Variants in PRKCB observed in about 807,000 individuals in gnomAD.
PRKCB encodes the protein protein kinase C beta type.
Under a neutral mutation model 81.5 loss-of-function variants are expected in PRKCB, and 13 were observed. The observed-to-expected ratio is 0.16, with a 90% CI of 0.10 to 0.25. The LOEUF (loss-of-function observed/expected upper bound fraction) is 0.25. Ranked by LOEUF, PRKCB falls within the 10% of genes least tolerant of loss-of-function variation. The pLI is 1.00. For synonymous variants in PRKCB, 335 were observed against 321.4 expected, an observed-to-expected ratio of 1.04 and a Z score of -0.45; for missense variants, 509 against 875.7, an observed-to-expected ratio of 0.58 and a Z score of 5.29.
At chr16:24,174,807 G>A in intron 12 of PRKCB, 1 of 461,656 alleles carries the variant, frequency 2.2e-6, no homozygotes, top group Non-Finnish European at 3.9e-6. Flanking sequence ...ACCAATGATG[G>A]TTCAGAGCCT....
chr16:24,071,436 T>TAAAAA lies in PRKCB; in HGVS notation c.530-21333_530-21329dup, dbSNP rs398042091. Among the ~76,000 whole-genome samples, 40 of 57,296 alleles carry TAAAAA rather than the reference T, an allele frequency of 7.0e-4. 1 individual carries two copies. The highest frequency in any genetic ancestry group is 1.8e-3 in the African/African-American group (32 of 17,410). 37.6% of individuals were successfully genotyped at this position (57,296 alleles called of 152,430 possible). ...CTGGGTAACATGGTGAGACCCTGTC[T>TAAAAA]AAAAAAAAAAAAAAAAAAAAAAAAA... On this transcript the variant is annotated intron_variant, in intron 5 of 16. Coordinates refer to ENST00000643927, the MANE Select transcript of PRKCB (RefSeq NM_002738.7).
chr16:23,880,792 A>C (rs1169761275), intron 2 of PRKCB, among the ~76,000 whole-genome samples: 1 of 152,142 alleles, frequency 6.6e-6, no homozygotes, highest in African/African-American at 2.4e-5. Context: ...TAATCTTATC[A>C]AGCAGAAATG....
chr16:23,870,481 A>G (rs1962885372), intron 2 of PRKCB, among the ~76,000 whole-genome samples: 1 of 152,248 alleles, frequency 6.6e-6, no homozygotes. Flanking sequence ...TCCTAGCTAG[A>G]AAGAGGCAGA....
chr16:24,041,184 C>T (rs564073324), intron 5 of PRKCB, among the ~76,000 whole-genome samples: 2 of 151,662 alleles, frequency 1.3e-5, no homozygotes, highest in Non-Finnish European at 2.9e-5. Flanking sequence ...CGAGTAGCTG[C>T]GACTACAGGC....
intron 2 of PRKCB, among the ~76,000 whole-genome samples, chr16:23,860,653 A>G (rs1268602232): frequency 2.0e-5 from 3 of 152,160 alleles, no homozygotes; most frequent in Non-Finnish European, 2.9e-5. Context: ...TGAGAGGCCA[A>G]GGTGGGTGGA....
At position 24,215,639 on chromosome 16, in the gene PRKCB, C is replaced by CA. The variant is rs1360063482; in HGVS notation, c.*831dup. On this transcript the variant is annotated 3_prime_UTR_variant, in exon 17 of 17. Coordinates refer to ENST00000643927, the MANE Select transcript of PRKCB (RefSeq NM_002738.7). The stretch of plus-strand genomic sequence containing the variant: ...TTTTGTTTCTGTTGTTGTTCAAATG[C>CA]AAAAAAAAGAAAAAAAAAGAAAAAA... The CA allele has an allele frequency of 2.5e-3, 2,450 of 964,432 alleles. 8 individuals carry two copies. Among genetic ancestry groups the CA allele is most frequent in the Non-Finnish European group, 2.8e-3 (2,263 of 821,906 alleles). 59.7% of individuals were successfully genotyped at this position (964,432 alleles called of 1,614,324 possible).
intron 2 of PRKCB, among the ~76,000 whole-genome samples, chr16:23,865,521 G>A (rs372400970): frequency 0.14 from 514 of 3,598 alleles, 1 homozygote; most frequent in South Asian, 0.23. Flanking sequence ...ATATATATGT[G>A]TGTGTGTGTG....
chr16:24,119,450 G>A (rs1287056734), intron 8 of PRKCB, among the ~76,000 whole-genome samples: 1 of 152,134 alleles, frequency 6.6e-6, no homozygotes, highest in Non-Finnish European at 1.5e-5. Context: ...GCTGGGACCC[G>A]CAGGTGGATG....
At chr16:24,084,579 A>G (rs1334813830) in intron 5 of PRKCB, among the ~76,000 whole-genome samples, 1 of 152,198 alleles carries the variant, frequency 6.6e-6, no homozygotes, top group Non-Finnish European at 1.5e-5. Context: ...TAAAAGAATT[A>G]CATTTTTTCC....
At chr16:24,105,276 C>T (rs941033901) in intron 7 of PRKCB, among the ~76,000 whole-genome samples, 1 of 152,080 alleles carries the variant, frequency 6.6e-6, no homozygotes, top group African/African-American at 2.4e-5. Flanking sequence ...AGGCTGGTCT[C>T]GAACTCCTGA....
chr16:24,043,600 C>G (rs900088339), intron 5 of PRKCB, among the ~76,000 whole-genome samples: 1 of 152,140 alleles, frequency 6.6e-6, no homozygotes, highest in East Asian at 1.9e-4. Flanking sequence ...GTGAGTGTCT[C>G]AGGCACTGAA....
At position 23,908,239 on chromosome 16, in the gene PRKCB, A is replaced by G. The variant is rs138153721; in HGVS notation, c.205+70833A>G. ...TCTTTATGACAGTGCTGCAGAGGGA[A>G]AAAGGATTGTTGCTGAGTTGGGTGG... On this transcript the variant is annotated intron_variant, in intron 2 of 16. Transcript: ENST00000643927. Among the ~76,000 whole-genome samples the G allele has an allele frequency of 2.1e-3, 323 of 152,182 alleles. 2 individuals are homozygous for G. Among genetic ancestry groups the G allele is most frequent in the African/African-American group, 7.4e-3 (306 of 41,498 alleles).
At chr16:24,088,126 T>C (rs34031636) in intron 5 of PRKCB, among the ~76,000 whole-genome samples, 8,405 of 152,248 alleles carry the variant, frequency 0.055, 679 homozygotes, top group African/African-American at 0.18. Flanking sequence ...CATATGCGGC[T>C]CTCTTGCTGC....
At chr16:23,958,863 G>C (rs1350221709) in intron 2 of PRKCB, among the ~76,000 whole-genome samples, 1 of 151,882 alleles carries the variant, frequency 6.6e-6, no homozygotes, top group Admixed American at 6.6e-5. Context: ...GTTCAATCAA[G>C]TTCGTCTGTT....
intron 3 of PRKCB, among the ~76,000 whole-genome samples, chr16:23,990,252 A>T (rs1742217709): frequency 6.6e-6 from 1 of 151,790 alleles, no homozygotes; most frequent in African/African-American, 2.4e-5. Flanking sequence ...AGGTCAGGAG[A>T]TCGAAACCAT....
In PRKCB at chr16:23,911,128, C is replaced by CT. The variant is rs567904157; in HGVS notation, c.205+73747dup. Among the ~76,000 whole-genome samples the CT allele has an allele frequency of 3.6e-3, 113 of 31,548 alleles. 33 individuals are homozygous for CT. The highest frequency in any genetic ancestry group is 9.0e-3 in the South Asian group (5 of 554). 20.7% of individuals were successfully genotyped at this position (31,548 alleles called of 152,430 possible). On this transcript the variant is annotated intron_variant, in intron 2 of 16. Transcript: ENST00000643927. ...ATAAATAGCCATAAACGTATATATG[C>CT]TTTTTTTTTTTTTTTTTTTTTTTTT... is the stretch of plus-strand genomic sequence containing the variant.
chr16:24,128,635 G>A (rs567811398), intron 9 of PRKCB, among the ~76,000 whole-genome samples: 2 of 152,270 alleles, frequency 1.3e-5, no homozygotes, highest in Admixed American at 6.5e-5. Context: ...TGGCTTACTC[G>A]GAGGTAGATG....
At chr16:24,044,030 C>A (rs1347955701) in intron 5 of PRKCB, among the ~76,000 whole-genome samples, 1 of 151,918 alleles carries the variant, frequency 6.6e-6, no homozygotes, top group Non-Finnish European at 1.5e-5. Flanking sequence ...GAAGGGGTAC[C>A]CATTTTATGT....
chr16:23,965,194 G>A (rs925659505), intron 2 of PRKCB, among the ~76,000 whole-genome samples: 8 of 152,178 alleles, frequency 5.3e-5, no homozygotes, highest in African/African-American at 1.9e-4. Flanking sequence ...CCTTCTTTGT[G>A]TCATGAGTGC....
Sources: allele counts gnomAD v4.1 joint callset (sites outside exome capture counted in the v4.1 genomes callset), GRCh38; gene constraint gnomAD v4.1.1; transcripts MANE v1.5; gene names NCBI Gene and HGNC (gene_info 2026-07-23, HGNC 2026-07-21).